The following KCNN2 variants were observed in gnomAD, a reference collection of about 807,000 sequenced individuals.
The protein encoded by KCNN2 is small conductance calcium-activated potassium channel protein 2.
In KCNN2, 24 loss-of-function variants were observed where a neutral mutation model predicts 55.5. The observed-to-expected ratio is 0.43, with a 90% CI of 0.31 to 0.61. The LOEUF (loss-of-function observed/expected upper bound fraction) is 0.61, where lower values mean the gene tolerates loss of function less well. Ranked by LOEUF, KCNN2 falls within the 20% of genes least tolerant of loss-of-function variation. The probability of loss-of-function intolerance (pLI) is 0.08; values close to 1 mark genes in which losing one functional copy is unlikely to be tolerated. For missense variants in KCNN2, 754 were observed against 853.6 expected, an observed-to-expected ratio of 0.88 and a Z score of 1.45; for synonymous variants, 431 against 336.1, an observed-to-expected ratio of 1.28 and a Z score of -3.09.
intron 1 of KCNN2, among the ~76,000 whole-genome samples, chr5:114,145,805 C>G (rs961146750): frequency 6.6e-6 from 1 of 152,090 alleles, no homozygotes; most frequent in African/African-American, 2.4e-5. Context: ...GTAGAAGGAT[C>G]AGTGTCATCA....
At chr5:114,461,482 C>T (rs911370731) in intron 3 of KCNN2, among the ~76,000 whole-genome samples, 1 of 152,180 alleles carries the variant, frequency 6.6e-6, no homozygotes, top group Admixed American at 6.5e-5. Context: ...ATTGCCCTTT[C>T]TCTGGGGTTC....
intron 1 of KCNN2, among the ~76,000 whole-genome samples, chr5:114,168,922 C>T (rs138504452): frequency 1.4e-3 from 212 of 152,152 alleles, no homozygotes; most frequent in African/African-American, 4.5e-3. Context: ...TGTGATCCCA[C>T]GTATTGGAGG....
chr5:114,188,235 C>G (rs1310675794), intron 1 of KCNN2, among the ~76,000 whole-genome samples: 1 of 152,158 alleles, frequency 6.6e-6, no homozygotes, highest in Admixed American at 6.5e-5. Flanking sequence ...ACCTAGCTAC[C>G]TAATCCTGGC....
chr5:114,168,565 G>A (rs1158607391), intron 1 of KCNN2, among the ~76,000 whole-genome samples: 1 of 151,946 alleles, frequency 6.6e-6, no homozygotes, highest in African/African-American at 2.4e-5. Flanking sequence ...TTGAGAACAA[G>A]CTAAAAATAT....
chr5:114,187,763 C>T (rs192205217), intron 1 of KCNN2, among the ~76,000 whole-genome samples: 56 of 151,588 alleles, frequency 3.7e-4, no homozygotes, highest in Admixed American at 1.0e-3. Context: ...GCCTCGGCCT[C>T]CCAAAGTGCT....
At chr5:114,312,428 CACACACATATATATATAT>C (rs1161082528) in intron 2 of KCNN2, among the ~76,000 whole-genome samples, 41 of 22,180 alleles carry the variant, frequency 1.8e-3, no homozygotes, top group East Asian at 7.8e-3. Flanking sequence ...CACACACACA[CACACACATATATATATAT>C]ATATATATAT....
intron 1 of KCNN2, among the ~76,000 whole-genome samples, chr5:114,153,874 C>T (rs1400909648): frequency 6.6e-6 from 1 of 152,138 alleles, no homozygotes; most frequent in Non-Finnish European, 1.5e-5. Flanking sequence ...TTATTTCCCT[C>T]CCTTGGAGGT....
At position 114,107,520 on chromosome 5, in the gene KCNN2, G is replaced by A. The variant is rs558500070; in HGVS notation, c.-271+51020G>A. Among the ~76,000 whole-genome samples, 11 of 152,018 alleles carry A rather than the reference G, an allele frequency of 7.2e-5. No individual in the cohort carries two copies. In the South Asian group the frequency reaches 2.3e-3, roughly 32 times the overall value. On this transcript the variant is annotated intron_variant, in intron 1 of 10. Transcript: ENST00000512097. ...CTACCTCAGCCTCCTGAATAGCTGG[G>A]ACTACAGCCATGCACAACCATGCCT...
intron 1 of KCNN2, among the ~76,000 whole-genome samples, chr5:114,083,627 T>A (rs372358685): frequency 6.6e-6 from 1 of 152,256 alleles, no homozygotes; most frequent in East Asian, 1.9e-4. Flanking sequence ...TATGGATTTC[T>A]CTGTTATTAA....
intron 3 of KCNN2, among the ~76,000 whole-genome samples, chr5:114,428,461 T>C (rs1206927075): frequency 6.6e-6 from 1 of 152,126 alleles, no homozygotes; most frequent in Non-Finnish European, 1.5e-5. Flanking sequence ...TTTTGAACTC[T>C]TTAGAAAAAC....
intron 3 of KCNN2, among the ~76,000 whole-genome samples, chr5:114,426,554 G>T (rs539222740): frequency 3.9e-5 from 6 of 152,150 alleles, no homozygotes; most frequent in Non-Finnish European, 7.4e-5. Flanking sequence ...TATTTGTGAA[G>T]AGTGAGTATA....
At chr5:114,294,426 A>C (rs1755964265) in intron 2 of KCNN2, among the ~76,000 whole-genome samples, 1 of 152,004 alleles carries the variant, frequency 6.6e-6, no homozygotes, top group Non-Finnish European at 1.5e-5. Flanking sequence ...GAACATCTTT[A>C]TTTCTGCCTT....
At chr5:114,217,919 T>TA (rs1256995316) in intron 1 of KCNN2, among the ~76,000 whole-genome samples, 2 of 151,882 alleles carry the variant, frequency 1.3e-5, no homozygotes, top group African/African-American at 2.4e-5. Context: ...ATGACCAAAT[T>TA]AAAAAAATGG....
chr5:114,148,144 T>C lies in KCNN2; in HGVS notation c.-270-73336T>C, dbSNP rs899744411. On this transcript the variant is annotated intron_variant, in intron 1 of 10. Coordinates refer to the KCNN2 transcript ENST00000512097. The stretch of plus-strand genomic sequence containing the variant: ...GGAGCTGAATTGTTAATGGAAGGTA[T>C]AGTGAGAGCAAATTTTTCACAGTCT... 2.6e-5 allele frequency among the ~76,000 whole-genome samples: 4 copies of C among 152,142 alleles called. No homozygotes were observed. The East Asian group carries it at 7.7e-4, about 29-fold the overall frequency.
chr5:114,474,300 C>T (rs1356394256), intron 5 of KCNN2, among the ~76,000 whole-genome samples: 2 of 152,156 alleles, frequency 1.3e-5, no homozygotes, highest in Admixed American at 1.3e-4. Flanking sequence ...CCTGCTCATG[C>T]TAAGTCTTAC....
rs1351830797 is a variant in KCNN2, at chr5:114,362,600, C to T, written c.461C>T (p.Ala154Val). The part of the protein sequence containing the change: ...AQQSAQQSAS[A>V]SQYHQCHSLQ... ...CAGTCCGCGCAGCAGTCGGCGTCCGCCTCCCAGTACCACCAGTGCCACAGC... is the reference window on the plus strand; with the variant it reads ...CAGTCCGCGCAGCAGTCGGCGTCCGTCTCCCAGTACCACCAGTGCCACAGC... Residue 154 changes from alanine to valine, a missense_variant, in exon 1 of 8, where the codon GCC becomes GTC. Ala to Val is a moderately conservative substitution (Grantham distance 64). Around this residue, in one of 4 missense-constraint regions of KCNN2, gnomAD observed 381 missense variants for 259.1 expected, o/e 1.47. Coordinates refer to ENST00000673685, the MANE Select transcript of KCNN2 (RefSeq NM_021614.4). 1.2e-6 allele frequency: 1 copy of T among 826,948 alleles called. No individual in the cohort carries two copies. Among genetic ancestry groups the T allele is most frequent in the Non-Finnish European group, 1.8e-6 (1 of 558,096 alleles). The allele number at this position is 826,948 out of a possible 1,614,324, so 51.2% of individuals were successfully genotyped here. A position where few individuals can be genotyped will look rare whatever the true frequency, so the allele number is the denominator to read the frequency against.
At chr5:114,139,367 T>C (rs1580547238) in intron 1 of KCNN2, among the ~76,000 whole-genome samples, 1 of 152,062 alleles carries the variant, frequency 6.6e-6, no homozygotes, top group South Asian at 2.1e-4. Flanking sequence ...CATTATATGA[T>C]GCACAGAAGT....
chr5:114,276,737 A>G (rs3101080), intron 2 of KCNN2, among the ~76,000 whole-genome samples: 147,594 of 150,558 alleles, frequency 0.98, 72,411 homozygotes, highest in Non-Finnish European at 1. Flanking sequence ...TGTCTTGCAC[A>G]TGAGATGGGT....
intron 3 of KCNN2, among the ~76,000 whole-genome samples, chr5:114,410,849 A>G (rs762059678): frequency 6.6e-6 from 1 of 152,188 alleles, no homozygotes; most frequent in Non-Finnish European, 1.5e-5. Flanking sequence ...CCATTATTTT[A>G]TCTCTCAGGG....
Sources: gnomAD v4.1 joint callset for allele counts (sites outside exome capture counted in the v4.1 genomes callset) on GRCh38, gnomAD v4.1.1 for gene constraint, gnomAD v4.1.1 regional missense constraint, MANE v1.5 for transcripts, NCBI Gene and HGNC (gene_info 2026-07-23, HGNC 2026-07-21) for gene names.